The following TMEM45A variants were observed in gnomAD, a reference collection of about 807,000 sequenced individuals.
The protein encoded by TMEM45A is DNA polymerase-transactivated protein 4.
A neutral mutation model predicts 32.0 loss-of-function variants in TMEM45A; 25 were observed. That is an observed-to-expected ratio of 0.78 (90% CI 0.57 to 1.09). The LOEUF (loss-of-function observed/expected upper bound fraction) is 1.09. TMEM45A is among the 50% of genes least tolerant of loss of function. TMEM45A has a pLI of 0.00. For missense variants in TMEM45A, 302 were observed against 325.0 expected, an observed-to-expected ratio of 0.93 and a Z score of 0.54; for synonymous variants, 122 against 114.8, an observed-to-expected ratio of 1.06 and a Z score of -0.40.
At chr3:100,512,312 TA>T (rs1708179658) in intron 1 of TMEM45A, among the ~76,000 whole-genome samples, 1 of 152,190 alleles carries the variant, frequency 6.6e-6, no homozygotes, top group Admixed American at 6.5e-5. Context: ...AACTCAGGAT[TA>T]AGAATCTCAC....
At chr3:100,532,972 C>T (rs1705672055) in intron 1 of TMEM45A, among the ~76,000 whole-genome samples, 1 of 152,128 alleles carries the variant, frequency 6.6e-6, no homozygotes, top group Non-Finnish European at 1.5e-5. Flanking sequence ...TGTGACAACA[C>T]TATTGTGAGT....
chr3:100,541,019 T>C (rs932887656), intron 1 of TMEM45A, among the ~76,000 whole-genome samples: 1 of 152,220 alleles, frequency 6.6e-6, no homozygotes. Flanking sequence ...ATAGTCCCTC[T>C]GACTGGTATG....
intron 1 of TMEM45A, among the ~76,000 whole-genome samples, chr3:100,531,761 A>G (rs2148957161): frequency 6.6e-6 from 1 of 152,372 alleles, no homozygotes; most frequent in South Asian, 2.1e-4. Flanking sequence ...GTAATTACAT[A>G]TTCTGTACCA....
At chr3:100,508,450 G>GA (rs1370880070) in intron 1 of TMEM45A, among the ~76,000 whole-genome samples, 1 of 152,086 alleles carries the variant, frequency 6.6e-6, no homozygotes, top group Non-Finnish European at 1.5e-5. Flanking sequence ...CACAGAAATA[G>GA]AAAACACAAT....
intron 1 of TMEM45A, among the ~76,000 whole-genome samples, chr3:100,512,181 G>A (rs1422001942): frequency 6.6e-6 from 1 of 152,072 alleles, no homozygotes. Flanking sequence ...ATTTTTTTCA[G>A]CACCACACCA....
At chr3:100,576,874 G>C in intron 5 of TMEM45A, 51 bp from the exon 6 acceptor site, 3 of 1,393,652 alleles carry the variant, frequency 2.2e-6, no homozygotes, top group Non-Finnish European at 3.0e-6. Context: ...TATTGCTCTG[G>C]GTTTCTATTT....
chr3:100,540,206 C>G (rs1209568206), intron 1 of TMEM45A, among the ~76,000 whole-genome samples: 2 of 151,874 alleles, frequency 1.3e-5, no homozygotes, highest in Admixed American at 6.6e-5. Context: ...AGGTCTATGT[C>G]TAGATTCATT....
intron 4 of TMEM45A, among the ~76,000 whole-genome samples, chr3:100,563,861 G>T (rs1451365753): frequency 6.6e-6 from 1 of 152,174 alleles, no homozygotes; most frequent in Non-Finnish European, 1.5e-5. Context: ...AGTCTAACCA[G>T]CAGGGTGGCA....
intron 1 of TMEM45A, among the ~76,000 whole-genome samples, chr3:100,499,325 G>T (rs971997876): frequency 6.6e-6 from 1 of 152,124 alleles, no homozygotes; most frequent in South Asian, 2.1e-4. Context: ...TATAGTTTTA[G>T]CTCATATGTA....
intron 4 of TMEM45A, 104 bp downstream of exon 4, chr3:100,558,693 C>T (rs1706271952): frequency 1.7e-6 from 2 of 1,155,110 alleles, no homozygotes; most frequent in Admixed American, 4.3e-5. Flanking sequence ...CAACATACTG[C>T]CTGTAGTAAG....
At chr3:100,523,721 C>CTCCT (rs1559639884) in intron 1 of TMEM45A, among the ~76,000 whole-genome samples, 10 of 150,072 alleles carry the variant, frequency 6.7e-5, no homozygotes, top group African/African-American at 2.2e-4. Flanking sequence ...CTTTCTCCTC[C>CTCCT]TTCTCCTCCT....
intron 5 of TMEM45A, among the ~76,000 whole-genome samples, chr3:100,575,198 A>G (rs1392953286): frequency 1.3e-5 from 2 of 152,132 alleles, no homozygotes; most frequent in Non-Finnish European, 2.9e-5. Context: ...TCACAGCACA[A>G]TGCCTTTATA....
chr3:100,556,046 A>G (rs1212705272), intron 2 of TMEM45A, among the ~76,000 whole-genome samples: 1 of 151,642 alleles, frequency 6.6e-6, no homozygotes, highest in Non-Finnish European at 1.5e-5. Flanking sequence ...GTGCAGTGGC[A>G]TTATCTTGGC....
chr3:100,512,375 C>T (rs1708181040), intron 1 of TMEM45A, among the ~76,000 whole-genome samples: 2 of 152,180 alleles, frequency 1.3e-5, no homozygotes, highest in Admixed American at 6.5e-5. Context: ...TGAATGACTA[C>T]TGGGTACATA....
chr3:100,566,726 G>A (rs1706448444), intron 4 of TMEM45A, among the ~76,000 whole-genome samples: 1 of 152,028 alleles, frequency 6.6e-6, no homozygotes. Context: ...TTGTGGTTTT[G>A]ATTTGCATTC....
In TMEM45A at chr3:100,514,695, C is replaced by A. The variant is rs564895964; in HGVS notation, c.-4+21767C>A. ...ACCATCAGAGTGAACAGGCAACCTA[C>A]AAAATGGGAGAAAATGTTCGCAACC... On this transcript the variant is annotated intron_variant, in intron 1 of 5. Coordinates refer to ENST00000323523, the MANE Select transcript of TMEM45A (RefSeq NM_018004.3). Among the ~76,000 whole-genome samples the A allele has an allele frequency of 2.2e-4, 33 of 152,134 alleles. No individual in the cohort carries two copies. The South Asian group carries it at 2.7e-3, about 12-fold the overall frequency.
At chr3:100,506,442 C>T (rs1037246360) in intron 1 of TMEM45A, among the ~76,000 whole-genome samples, 2 of 152,104 alleles carry the variant, frequency 1.3e-5, no homozygotes, top group Non-Finnish European at 2.9e-5. Flanking sequence ...AGTGGAAACA[C>T]ACCACTCTCC....
chr3:100,502,863 A>G (rs1456716875), intron 1 of TMEM45A, among the ~76,000 whole-genome samples: 1 of 152,248 alleles, frequency 6.6e-6, no homozygotes, highest in Non-Finnish European at 1.5e-5. Flanking sequence ...AAATCATGCC[A>G]TGGCTAAACC....
intron 1 of TMEM45A, among the ~76,000 whole-genome samples, chr3:100,530,046 G>T (rs903977138): frequency 1.3e-5 from 2 of 152,012 alleles, no homozygotes; most frequent in Non-Finnish European, 2.9e-5. Context: ...TTTTTAAATG[G>T]AAAATTTCAA....
Sources: gnomAD v4.1 joint callset for allele counts (sites outside exome capture counted in the v4.1 genomes callset) on GRCh38, gnomAD v4.1.1 for gene constraint, MANE v1.5 for transcripts, NCBI Gene and HGNC (gene_info 2026-07-23, HGNC 2026-07-21) for gene names.